WWOX: variants seen among roughly 807,000 people sequenced by gnomAD.
WWOX encodes WW domain-containing oxidoreductase.
A neutral mutation model predicts 46.2 loss-of-function variants in WWOX; 69 were observed. That is an observed-to-expected ratio of 1.49 (90% CI 1.23 to 1.82). WWOX has a LOEUF of 1.82. Ranked by LOEUF, WWOX falls within the 40% of genes most tolerant of loss-of-function variation. The pLI, the probability that WWOX is intolerant of heterozygous loss-of-function variation, is 0.00. For synonymous variants in WWOX, 359 were observed against 202.6 expected (o/e 1.77, Z -6.56); for missense variants, 919 against 542.6 (o/e 1.69, Z -6.89).
chr16:78,199,906 A>C (rs571279670), intron 5 of WWOX, among the ~76,000 whole-genome samples: 10 of 152,280 alleles, frequency 6.6e-5, no homozygotes, highest in African/African-American at 2.4e-4. Context: ...CAATGGTATG[A>C]GGGAAAACAC....
At chr16:78,835,890 G>A (rs963304764) in intron 8 of WWOX, among the ~76,000 whole-genome samples, 18 of 152,022 alleles carry the variant, frequency 1.2e-4, no homozygotes, top group Admixed American at 6.5e-4. Context: ...GACTTTTTAC[G>A]TAAACAGAGC....
chr16:78,594,328 C>G (rs953438868), intron 8 of WWOX, among the ~76,000 whole-genome samples: 2 of 151,488 alleles, frequency 1.3e-5, no homozygotes, highest in Non-Finnish European at 2.9e-5. Context: ...GCAATACTCT[C>G]CAGCAGCAAA....
At chr16:78,405,286 C>G (rs889754390) in intron 6 of WWOX, among the ~76,000 whole-genome samples, 24 of 152,056 alleles carry the variant, frequency 1.6e-4, no homozygotes, top group African/African-American at 5.8e-4. Flanking sequence ...CTCTGGGTAA[C>G]TGTTTTGGAT....
At chr16:79,207,196 A>C (rs1264892999) in intron 8 of WWOX, among the ~76,000 whole-genome samples, 1 of 152,224 alleles carries the variant, frequency 6.6e-6, no homozygotes, top group Non-Finnish European at 1.5e-5. Flanking sequence ...CTCTCTGATA[A>C]ATGATTCTGT....
At chr16:79,180,142 G>T (rs954348053) in intron 8 of WWOX, among the ~76,000 whole-genome samples, 4 of 152,182 alleles carry the variant, frequency 2.6e-5, no homozygotes, top group Non-Finnish European at 5.9e-5. Context: ...GGAATCCAGA[G>T]TCTTGGTCAC....
At chr16:78,926,561 A>C (rs1161606091) in intron 8 of WWOX, among the ~76,000 whole-genome samples, 1 of 152,134 alleles carries the variant, frequency 6.6e-6, no homozygotes, top group Non-Finnish European at 1.5e-5. Context: ...ATTTTGCAGA[A>C]AGCAGACGTA....
At chr16:79,184,049 G>A (rs540675139) in intron 8 of WWOX, among the ~76,000 whole-genome samples, 4 of 152,174 alleles carry the variant, frequency 2.6e-5, no homozygotes, top group Non-Finnish European at 5.9e-5. Context: ...TTTTGCTGGA[G>A]GAGGCAAGCA....
intron 8 of WWOX, among the ~76,000 whole-genome samples, chr16:78,823,070 T>G (rs1371781286): frequency 3.3e-5 from 5 of 152,234 alleles, no homozygotes; most frequent in African/African-American, 1.2e-4. Context: ...GCTTTGAAGT[T>G]TGAATACACT....
rs561676763 is a variant in WWOX at position 78,173,488 on chromosome 16, G to A, written c.516+9199G>A. ...TTTTTTTTTTTTTAATGTAGAGGAA[G>A]GGCTTCACCACGTTGCCCAGGCTAG... On this transcript the variant is annotated intron_variant, in intron 5 of 8. Transcript: ENST00000566780. Among the ~76,000 whole-genome samples, 16 of 149,686 alleles carry A rather than the reference G, an allele frequency of 1.1e-4. 1 individual carries two copies. The highest frequency in any genetic ancestry group is 2.2e-4 in the Non-Finnish European group (15 of 67,734).
At chr16:79,192,701 C>T (rs1046939794) in intron 8 of WWOX, among the ~76,000 whole-genome samples, 2 of 152,118 alleles carry the variant, frequency 1.3e-5, no homozygotes, top group Non-Finnish European at 1.5e-5. Flanking sequence ...CTTTTTATTT[C>T]CTTTGTGGAG....
intron 8 of WWOX, among the ~76,000 whole-genome samples, chr16:78,828,778 A>G (rs1297499732): frequency 6.6e-6 from 1 of 152,206 alleles, no homozygotes; most frequent in Non-Finnish European, 1.5e-5. Flanking sequence ...TTATTTCTCT[A>G]TTGCAATTGC....
chr16:79,098,762 T>G (rs2049129940), intron 8 of WWOX, among the ~76,000 whole-genome samples: 1 of 152,218 alleles, frequency 6.6e-6, no homozygotes, highest in Non-Finnish European at 1.5e-5. Flanking sequence ...TGTTGGAAAG[T>G]GGAATGCATA....
At chr16:78,451,694 G>C (rs1597103793) in intron 8 of WWOX, among the ~76,000 whole-genome samples, 1 of 152,214 alleles carries the variant, frequency 6.6e-6, no homozygotes, top group African/African-American at 2.4e-5. Context: ...GGATACTAAA[G>C]CAATGCTAGT....
chr16:79,146,745 G>GC (rs2050189236), intron 8 of WWOX, among the ~76,000 whole-genome samples: 1 of 152,054 alleles, frequency 6.6e-6, no homozygotes, highest in Non-Finnish European at 1.5e-5. Context: ...TGTGGTCCTC[G>GC]CCTTCAAGGA....
rs77966713 is a variant in WWOX, at chr16:79,001,656, A to G, written c.1057-209952A>G. 2.6e-5 allele frequency among the ~76,000 whole-genome samples: 4 copies of G among 151,814 alleles called. No homozygotes were observed. The East Asian group carries it at 5.8e-4, about 22-fold the overall frequency. ...CTCTATATTATGTGGGAAAAAAAAA[A>G]GGAGCTGGTGGCAGGGGGAGAGATT... On this transcript the variant is annotated intron_variant, in intron 8 of 8. Coordinates refer to ENST00000566780, the MANE Select transcript of WWOX (RefSeq NM_016373.4).
At chr16:78,655,683 G>C (rs1333063765) in intron 8 of WWOX, among the ~76,000 whole-genome samples, 1 of 152,140 alleles carries the variant, frequency 6.6e-6, no homozygotes, top group Non-Finnish European at 1.5e-5. Context: ...CAAGGGGCTG[G>C]GAGGGAGGGT....
At chr16:78,808,361 G>A (rs2051097787) in intron 8 of WWOX, among the ~76,000 whole-genome samples, 1 of 152,180 alleles carries the variant, frequency 6.6e-6, no homozygotes, top group Non-Finnish European at 1.5e-5. Context: ...TCTAGGTAGG[G>A]TAAATAATAG....
chr16:78,860,666 G>A (rs994564135), intron 8 of WWOX, among the ~76,000 whole-genome samples: 10 of 152,198 alleles, frequency 6.6e-5, no homozygotes, highest in African/African-American at 2.4e-4. Context: ...TAATGATAAT[G>A]CGTGAAAAAG....
chr16:78,736,332 G>A (rs1235003352), intron 8 of WWOX, among the ~76,000 whole-genome samples: 1 of 152,054 alleles, frequency 6.6e-6, no homozygotes, highest in East Asian at 1.9e-4. Context: ...TGGGCAAGGT[G>A]GACAAGGATG....
Sources: allele counts gnomAD v4.1 joint callset (sites outside exome capture counted in the v4.1 genomes callset), GRCh38; gene constraint gnomAD v4.1.1; transcripts MANE v1.5; gene names NCBI Gene and HGNC (gene_info 2026-07-23, HGNC 2026-07-21).